Variants in TMCC3 observed in about 807,000 individuals in gnomAD.
The protein encoded by TMCC3 is transmembrane and coiled-coil domain protein 3.
Under a neutral mutation model 40.2 loss-of-function variants are expected in TMCC3, and 28 were observed. The observed-to-expected ratio is 0.70, with a 90% confidence interval of 0.52 to 0.95. TMCC3 has a LOEUF of 0.95. TMCC3 is among the 40% of genes least tolerant of loss of function. The pLI, the probability that TMCC3 is intolerant of heterozygous loss-of-function variation, is 0.00. For synonymous variants in TMCC3, 255 were observed against 248.5 expected (o/e 1.03, Z -0.25); for missense variants, 554 against 615.2 (o/e 0.90, Z 1.05).
Position 94,635,816 on chromosome 12 carries a change from G to A in TMCC3, c.78+14537C>T, listed in dbSNP as rs185969363. The stretch of plus-strand genomic sequence containing the variant: ...CGAGTAGCTGGGATTACAGGTGCCC[G>A]CCACCATGCCCAGCTAATTTTTTTG... On this transcript the variant is annotated intron_variant, in intron 1 of 3. Transcript: ENST00000261226. Among the ~76,000 whole-genome samples, 43 of 152,062 alleles carry A rather than the reference G, an allele frequency of 2.8e-4. No individual in the cohort carries two copies. In the East Asian group the frequency reaches 8.3e-3, roughly 29 times the overall value.
chr12:94,647,699 C>T (rs1283520090), intron 1 of TMCC3, among the ~76,000 whole-genome samples: 1 of 152,176 alleles, frequency 6.6e-6, no homozygotes, highest in Non-Finnish European at 1.5e-5. Flanking sequence ...GCATCACATA[C>T]GTTCTGGGTG....
intron 1 of TMCC3, among the ~76,000 whole-genome samples, chr12:94,604,803 C>CAAAAAAAA (rs11400128): frequency 1.9e-5 from 1 of 53,322 alleles, no homozygotes; most frequent in Non-Finnish European, 3.2e-5. Context: ...GACTTCATCT[C>CAAAAAAAA]AAAAAAAAAA....
At position 94,624,742 on chromosome 12, in the gene TMCC3, T is replaced by C. The variant is rs113008670; in HGVS notation, c.78+25611A>G. Among the ~76,000 whole-genome samples the C allele has an allele frequency of 9.9e-5, 15 of 151,678 alleles. 1 individual carries two copies. The highest frequency in any genetic ancestry group is 3.6e-4 in the African/African-American group (15 of 41,356). On this transcript the variant is annotated intron_variant, in intron 1 of 3. Transcript: ENST00000261226. Reference sequence around the variant, plus strand: ...TAAAAAAAAATATATTGTTCAGCCATAAAAAGAAATAAAGTACTGATTCAT... The same window carrying C: ...TAAAAAAAAATATATTGTTCAGCCACAAAAAGAAATAAAGTACTGATTCAT...
intron 1 of TMCC3, among the ~76,000 whole-genome samples, chr12:94,613,270 A>T (rs1216980785): frequency 6.6e-6 from 1 of 151,754 alleles, no homozygotes; most frequent in African/African-American, 2.4e-5. Flanking sequence ...CGAGATCAAC[A>T]TGGGTAACAT....
Position 94,591,001 on chromosome 12 carries a change from G to A in TMCC3, c.79-8463C>T, listed in dbSNP as rs947160387. ...GATCTTGGGAGATGAGGAAGAAACC[G>A]CGACTACTATAGAAATTGATGAAGA... On this transcript the variant is annotated intron_variant, in intron 1 of 3. Transcript: ENST00000261226. The A allele has an allele frequency of 5.8e-5, 32 of 556,290 alleles. 1 individual carries two copies. Among genetic ancestry groups the A allele is most frequent in the African/African-American group, 2.3e-4 (12 of 52,412 alleles). The allele number at this position is 556,290 out of a possible 1,614,324, so 34.5% of individuals were successfully genotyped here. A position where few individuals can be genotyped will look rare whatever the true frequency, so the allele number is the denominator to read the frequency against.
rs1402250053 is a variant in TMCC3, at chr12:94,582,492, C to T, written c.125G>A (p.Arg42His). The T allele has an allele frequency of 1.9e-6, 3 of 1,613,576 alleles. No individual in the cohort carries two copies. The highest frequency in any genetic ancestry group is 3.3e-5 in the Admixed American group (2 of 59,964). Residue 42 changes from arginine (R) to histidine (H), a missense_variant, in exon 2 of 4, where the codon CGC becomes CAC. By Grantham distance (29) the Arg-to-His change is conservative. Transcript: ENST00000261226. Reference protein sequence around the residue: ...MNTLSLPLNIRRGGSDTNLNF... With the variant: ...MNTLSLPLNIHRGGSDTNLNF... ...GAGGTTGGTGTCTGACCCCCCTCGG[C>T]GTATGTTCAGGGGCAGGCTTAAGGT...
chr12:94,580,045 C>CCA (rs1216575037), intron 2 of TMCC3, among the ~76,000 whole-genome samples: 4 of 152,032 alleles, frequency 2.6e-5, no homozygotes, highest in African/African-American at 9.7e-5. Flanking sequence ...ATTGAAAAGG[C>CCA]CACATTTCTA....
intron 1 of TMCC3, among the ~76,000 whole-genome samples, chr12:94,636,479 TTCCCACGATGGTACCC>T (rs1474477879): frequency 6.6e-6 from 1 of 152,226 alleles, no homozygotes; most frequent in Non-Finnish European, 1.5e-5. Flanking sequence ...TCTAAGATGA[TTCCCACGATGGTACCC>T]TCCCACAAGC....
intron 1 of TMCC3, among the ~76,000 whole-genome samples, chr12:94,584,519 T>G (rs2068626520): frequency 6.6e-6 from 1 of 151,980 alleles, no homozygotes; most frequent in Non-Finnish European, 1.5e-5. Flanking sequence ...CAGACTTGAA[T>G]ATGGACCATA....
At chr12:94,617,769 T>C (rs903457670) in intron 1 of TMCC3, among the ~76,000 whole-genome samples, 41 of 152,250 alleles carry the variant, frequency 2.7e-4, no homozygotes, top group African/African-American at 9.9e-4. Flanking sequence ...TTTAACTCTG[T>C]GTTGGGGGTG....
At chr12:94,590,959 G>A (rs2068670982) in intron 1 of TMCC3, 2 of 573,934 alleles carry the variant, frequency 3.5e-6, no homozygotes, top group Admixed American at 1.9e-5. Context: ...ACATGCTTAT[G>A]ATCAACATTT....
chr12:94,644,441 C>T, intron 1 of TMCC3: 3 of 985,356 alleles, frequency 3.0e-6, no homozygotes, highest in Non-Finnish European at 3.6e-6. Flanking sequence ...AAGCAAAATA[C>T]ACCCTGAGAT....
Position 94,650,383 on chromosome 12 carries a change from G to A in TMCC3, c.48C>T (p.Tyr16=), listed in dbSNP as rs779291422. Reference sequence around the variant, plus strand: ...TCTTGCAGCGGTGGTGCCGGCCGGGGTACGAGTAGGTCCGGTCCACGGTGA... The same window carrying A: ...TCTTGCAGCGGTGGTGCCGGCCGGGATACGAGTAGGTCCGGTCCACGGTGA... ...TALTVDRTYS[Y]PGRHHRCKSR... is the part of the protein sequence containing the mutation. The change falls in exon 1 of 4, where the codon TAC becomes TAT. Residue 16 remains tyrosine, a synonymous_variant. Transcript: ENST00000261226. 4.5e-6 allele frequency: 6 copies of A among 1,343,676 alleles called. No homozygotes were observed. Among genetic ancestry groups the A allele is most frequent in the Admixed American group, 3.0e-5 (1 of 33,614 alleles). 83.2% of individuals were successfully genotyped at this position (1,343,676 alleles called of 1,614,324 possible).
intron 1 of TMCC3, among the ~76,000 whole-genome samples, chr12:94,588,825 A>ATTT (rs77963963): frequency 7.1e-6 from 1 of 141,648 alleles, no homozygotes; most frequent in African/African-American, 2.6e-5. Flanking sequence ...TCGGTATGAG[A>ATTT]TTTTTTTTTT....
chr12:94,640,061 T>A (rs959872020), intron 1 of TMCC3, among the ~76,000 whole-genome samples: 1 of 152,238 alleles, frequency 6.6e-6, no homozygotes, highest in African/African-American at 2.4e-5. Flanking sequence ...TTAAATAACA[T>A]AGAATCACAG....
intron 1 of TMCC3, among the ~76,000 whole-genome samples, chr12:94,645,409 G>A (rs779340496): frequency 6.6e-6 from 1 of 152,078 alleles, no homozygotes; most frequent in Non-Finnish European, 1.5e-5. Flanking sequence ...AACTAGAAGT[G>A]TTTCAGATTT....
intron 1 of TMCC3, among the ~76,000 whole-genome samples, chr12:94,642,872 T>G (rs2068998035): frequency 6.6e-6 from 1 of 152,170 alleles, no homozygotes; most frequent in Non-Finnish European, 1.5e-5. Context: ...AACCTAACTT[T>G]GGTACCATGC....
At chr12:94,625,711 G>A (rs1290008960) in intron 1 of TMCC3, among the ~76,000 whole-genome samples, 1 of 152,150 alleles carries the variant, frequency 6.6e-6, no homozygotes, top group Non-Finnish European at 1.5e-5. Flanking sequence ...CAAGGGTTGA[G>A]GCTTTCCATC....
intron 1 of TMCC3, chr12:94,609,777 A>C (rs1594286144): frequency 6.6e-6 from 1 of 152,180 alleles, no homozygotes; most frequent in Non-Finnish European, 1.5e-5. Flanking sequence ...TTTTTTCACT[A>C]CACTATCCTC....
Sources: gnomAD v4.1 joint callset for allele counts (sites outside exome capture counted in the v4.1 genomes callset) on GRCh38, gnomAD v4.1.1 for gene constraint, MANE v1.5 for transcripts, NCBI Gene and HGNC (gene_info 2026-07-23, HGNC 2026-07-21) for gene names.